Variants in GRIN2A observed in about 807,000 individuals in gnomAD.
The protein encoded by GRIN2A is glutamate ionotropic receptor NMDA type subunit 2A, also known as glutamate receptor ionotropic, NMDA 2A.
A neutral mutation model predicts 113.4 loss-of-function variants in GRIN2A; 22 were observed. The observed-to-expected ratio is 0.19, with a 90% CI of 0.14 to 0.28. The LOEUF (loss-of-function observed/expected upper bound fraction) is 0.28. Ranked by LOEUF, GRIN2A falls within the 10% of genes least tolerant of loss-of-function variation. The pLI is 1.00. For missense variants in GRIN2A, 1,502 were observed against 1,887.0 expected (o/e 0.80, Z 3.78); for synonymous variants, 827 against 738.4 (o/e 1.12, Z -1.94).
chr16:9,925,483 C>G (rs1032852760), intron 3 of GRIN2A, among the ~76,000 whole-genome samples: 1 of 152,182 alleles, frequency 6.6e-6, no homozygotes, highest in African/African-American at 2.4e-5. Context: ...TCACTTTTCT[C>G]AGGTACTCTC....
At chr16:10,070,662 C>T (rs577337509) in intron 2 of GRIN2A, among the ~76,000 whole-genome samples, 2 of 152,280 alleles carry the variant, frequency 1.3e-5, no homozygotes, top group Admixed American at 6.5e-5. Flanking sequence ...ATCAGATTTT[C>T]CAGATGATAA....
chr16:9,772,110 T>G (rs1901310171), intron 11 of GRIN2A, among the ~76,000 whole-genome samples: 1 of 152,176 alleles, frequency 6.6e-6, no homozygotes. Flanking sequence ...ATCGGTTGTG[T>G]AGGTAAAGGG....
At chr16:9,822,615 G>C (rs2042310360) in intron 9 of GRIN2A, among the ~76,000 whole-genome samples, 191 bp from the exon 10 acceptor site, 1 of 152,158 alleles carries the variant, frequency 6.6e-6, no homozygotes, top group South Asian at 2.1e-4. Context: ...TCTTCAGCCA[G>C]TCTGTGAGCT....
chr16:9,865,659 A>G (rs1484486900), intron 4 of GRIN2A, among the ~76,000 whole-genome samples: 1 of 152,214 alleles, frequency 6.6e-6, no homozygotes. Flanking sequence ...CCTTAGGGTT[A>G]GATCACATGC....
At chr16:10,143,974 A>T (rs563826503) in intron 2 of GRIN2A, among the ~76,000 whole-genome samples, 221 of 151,158 alleles carry the variant, frequency 1.5e-3, no homozygotes, top group African/African-American at 4.3e-3. Flanking sequence ...TCAAAAAAAA[A>T]TTTTTTTTTT....
chr16:9,769,451 C>CTTTTTTTTTTTTTTTTTTTTTTTTT (rs34847596), intron 11 of GRIN2A, among the ~76,000 whole-genome samples: 1 of 104,870 alleles, frequency 9.5e-6, no homozygotes, highest in Non-Finnish European at 1.9e-5. Flanking sequence ...GGAGTTTTGT[C>CTTTTTTTTTTTTTTTTTTTTTTTTT]TTTTTTTTTT....
At chr16:9,974,235 G>A (rs1236080061) in intron 2 of GRIN2A, among the ~76,000 whole-genome samples, 1 of 152,176 alleles carries the variant, frequency 6.6e-6, no homozygotes, top group Admixed American at 6.5e-5. Context: ...ACTAAAGGCA[G>A]TTAGCCTGGT....
intron 3 of GRIN2A, among the ~76,000 whole-genome samples, chr16:9,909,374 T>C (rs145165662): frequency 2.0e-5 from 3 of 152,246 alleles, no homozygotes; most frequent in Admixed American, 2.0e-4. Context: ...ACAGAAAGAA[T>C]GAAAGCCAGC....
chr16:10,074,072 A>C (rs2047819320), intron 2 of GRIN2A, among the ~76,000 whole-genome samples: 1 of 152,244 alleles, frequency 6.6e-6, no homozygotes, highest in Non-Finnish European at 1.5e-5. Flanking sequence ...AAAGGGTCTC[A>C]ATAGACATTT....
intron 2 of GRIN2A, among the ~76,000 whole-genome samples, chr16:10,135,192 T>A (rs981874758): frequency 1.3e-5 from 2 of 152,210 alleles, no homozygotes; most frequent in African/African-American, 2.4e-5. Flanking sequence ...TCCACACAAC[T>A]GTAGCATATA....
intron 2 of GRIN2A, among the ~76,000 whole-genome samples, chr16:10,006,663 T>A (rs1013822805): frequency 6.6e-6 from 1 of 152,118 alleles, no homozygotes; most frequent in African/African-American, 2.4e-5. Flanking sequence ...TTCTAAAATG[T>A]ACGACAAATT....
At chr16:10,126,684 A>G (rs1229407825) in intron 2 of GRIN2A, among the ~76,000 whole-genome samples, 4 of 152,006 alleles carry the variant, frequency 2.6e-5, no homozygotes. Flanking sequence ...TTTCCCTACC[A>G]TTTGTTGGTT....
At chr16:10,098,045 A>G (rs538437308) in intron 2 of GRIN2A, among the ~76,000 whole-genome samples, 126 of 152,338 alleles carry the variant, frequency 8.3e-4, no homozygotes, top group Non-Finnish European at 1.3e-3. Context: ...CCATACATCC[A>G]AAGGACTAAT....
Position 9,756,498 on chromosome 16 carries a change from G to T in GRIN2A, c.*6651C>A, listed in dbSNP as rs752730721. The T allele has an allele frequency of 4.0e-5, 9 of 223,710 alleles. No individual in the cohort carries two copies. Among genetic ancestry groups the T allele is most frequent in the African/African-American group, 2.2e-5 (1 of 44,794 alleles). The allele number at this position is 223,710 out of a possible 1,614,324, so 13.9% of individuals were successfully genotyped here. A position where few individuals can be genotyped will look rare whatever the true frequency, so the allele number is the denominator to read the frequency against. ...CTCAAAAGAGCACACCTCTCTTTCT[G>T]ACTTCTATTCTGACCTCCCTGGAGG... On this transcript the variant is annotated 3_prime_UTR_variant, in exon 13 of 13. Transcript: ENST00000330684.
chr16:9,876,700 G>T (rs138557793), intron 4 of GRIN2A, among the ~76,000 whole-genome samples: 15 of 152,260 alleles, frequency 9.9e-5, no homozygotes, highest in African/African-American at 3.6e-4. Context: ...GTGAATGCTT[G>T]GTAAACAGAT....
intron 2 of GRIN2A, among the ~76,000 whole-genome samples, chr16:10,083,991 A>G (rs772408149): frequency 3.9e-5 from 6 of 152,126 alleles, no homozygotes; most frequent in Non-Finnish European, 8.8e-5. Flanking sequence ...AATCCCAGCT[A>G]CTTGGGGGTT....
At chr16:10,101,448 G>A (rs753186852) in intron 2 of GRIN2A, among the ~76,000 whole-genome samples, 2 of 152,164 alleles carry the variant, frequency 1.3e-5, no homozygotes, top group Non-Finnish European at 2.9e-5. Flanking sequence ...ACCTCCGAGC[G>A]CCGTGGAAGA....
intron 2 of GRIN2A, among the ~76,000 whole-genome samples, chr16:9,960,000 T>C (rs2045402906): frequency 6.6e-6 from 1 of 152,000 alleles, no homozygotes; most frequent in Non-Finnish European, 1.5e-5. Flanking sequence ...CCATAGCACA[T>C]ACCAGCAAAC....
intron 11 of GRIN2A, among the ~76,000 whole-genome samples, chr16:9,780,357 C>A (rs983044989): frequency 2.6e-5 from 4 of 152,080 alleles, no homozygotes; most frequent in African/African-American, 9.6e-5. Flanking sequence ...CCATCAGCAG[C>A]AAAATGGATA....
Sources: gnomAD v4.1 joint callset for allele counts (sites outside exome capture counted in the v4.1 genomes callset) on GRCh38, gnomAD v4.1.1 for gene constraint, MANE v1.5 for transcripts, NCBI Gene and HGNC (gene_info 2026-07-23, HGNC 2026-07-21) for gene names.